SAMD5: variants seen among roughly 807,000 people sequenced by gnomAD.
The protein encoded by SAMD5 is sterile alpha motif domain-containing protein 5.
A neutral mutation model predicts 11.3 loss-of-function variants in SAMD5; 13 were observed. The ratio of observed to expected loss-of-function variants is 1.15; its 90% confidence interval spans 0.75 to 1.83. SAMD5 has a LOEUF of 1.83. SAMD5 is among the 40% of genes most tolerant of loss of function. SAMD5 has a pLI of 0.00. For synonymous variants in SAMD5, 129 were observed against 111.3 expected, an observed-to-expected ratio of 1.16 and a Z score of -1.00; for missense variants, 255 against 239.1, an observed-to-expected ratio of 1.07 and a Z score of -0.44.
the SAMD5 span, among the ~76,000 whole-genome samples, chr6:147,856,273 T>G: frequency 2.0e-5 from 3 of 152,042 alleles, no homozygotes; most frequent in African/African-American, 7.2e-5. Flanking sequence ...AACGGGTGGG[T>G]GTGGTGTAGT....
At chr6:147,919,682 A>C in the SAMD5 span, among the ~76,000 whole-genome samples, 1 of 152,184 alleles carries the variant, frequency 6.6e-6, no homozygotes, top group Non-Finnish European at 1.5e-5. Flanking sequence ...TGGAATACCA[A>C]TTCCCATTTT....
the SAMD5 span, among the ~76,000 whole-genome samples, chr6:147,751,794 T>C: frequency 2.0e-5 from 3 of 152,178 alleles, no homozygotes; most frequent in East Asian, 1.9e-4. Flanking sequence ...TTCTTTATTC[T>C]TTTTTTGGAT....
chr6:147,810,284 T>C, the SAMD5 span, among the ~76,000 whole-genome samples: 1 of 152,194 alleles, frequency 6.6e-6, no homozygotes, highest in Admixed American at 6.5e-5. Flanking sequence ...TGGCATAGTG[T>C]TCTGAGGATG....
Position 147,508,893 on chromosome 6 carries a change from G to T in SAMD5, c.-36G>T. The T allele has an allele frequency of 6.3e-7, 1 of 1,583,534 alleles. No individual in the cohort carries two copies. Among genetic ancestry groups the T allele is most frequent in the Non-Finnish European group, 8.6e-7 (1 of 1,166,278 alleles). On this transcript the variant is annotated 5_prime_UTR_variant, in exon 1 of 2. Transcript: ENST00000367474. ...GTGCCGCCCGTGCCATTTGGGCGCT[G>T]GGAAGGTGCTCGGCGGCGGGGTTCC...
At position 147,517,573 on chromosome 6, in the gene SAMD5, A is replaced by T. The variant is rs535708457; in HGVS notation, c.459+8186A>T. Among the ~76,000 whole-genome samples, 10 of 152,354 alleles carry T rather than the reference A, an allele frequency of 6.6e-5. No homozygotes were observed. The South Asian group carries it at 1.0e-3, about 16-fold the overall frequency. On this transcript the variant is annotated intron_variant, in intron 1 of 1. Transcript: ENST00000367474. Reference sequence around the variant, plus strand: ...ATGCAATAACAAAACTGATTTTTTTAAAAATAACATTTCAAAATTTAGATA... The same window carrying T: ...ATGCAATAACAAAACTGATTTTTTTTAAAATAACATTTCAAAATTTAGATA...
chr6:147,875,606 T>C, the SAMD5 span, among the ~76,000 whole-genome samples: 1 of 151,650 alleles, frequency 6.6e-6, no homozygotes, highest in African/African-American at 2.4e-5. Flanking sequence ...AGGAGGTGAG[T>C]GGTGGGCAAG....
chr6:147,933,348 G>C, the SAMD5 span, among the ~76,000 whole-genome samples: 1 of 152,206 alleles, frequency 6.6e-6, no homozygotes, highest in African/African-American at 2.4e-5. Context: ...GTAGAAAGAA[G>C]ATAGGAGACA....
chr6:147,612,500 G>A (rs1303176985), intron 1 of SAMD5, among the ~76,000 whole-genome samples: 1 of 152,028 alleles, frequency 6.6e-6, no homozygotes, highest in Non-Finnish European at 1.5e-5. Flanking sequence ...TCATTACTTG[G>A]CACTGAAATC....
the SAMD5 span, among the ~76,000 whole-genome samples, chr6:147,860,822 A>G: frequency 5.3e-5 from 8 of 152,304 alleles, no homozygotes; most frequent in African/African-American, 1.4e-4. Flanking sequence ...CTTTTTTTCT[A>G]TGAATGGATT....
At chr6:147,884,288 T>C in the SAMD5 span, among the ~76,000 whole-genome samples, 1 of 152,120 alleles carries the variant, frequency 6.6e-6, no homozygotes, top group Non-Finnish European at 1.5e-5. Context: ...CGGAGATTGA[T>C]GAGCGTGTAA....
At chr6:147,894,999 C>T in the SAMD5 span, among the ~76,000 whole-genome samples, 3 of 152,158 alleles carry the variant, frequency 2.0e-5, no homozygotes, top group African/African-American at 2.4e-5. Flanking sequence ...TCTCATCTCA[C>T]CTCTCATTAA....
intron 1 of SAMD5, among the ~76,000 whole-genome samples, chr6:147,616,884 A>G (rs1224748336): frequency 6.6e-6 from 1 of 152,162 alleles, no homozygotes; most frequent in Non-Finnish European, 1.5e-5. Flanking sequence ...GGAGAAAACC[A>G]CTGCCATGAT....
the SAMD5 span, among the ~76,000 whole-genome samples, chr6:147,827,867 G>A: frequency 6.6e-6 from 1 of 151,756 alleles, no homozygotes; most frequent in Non-Finnish European, 1.5e-5. Context: ...TCGGCTCACT[G>A]CAAGCTCCGC....
chr6:147,738,640 G>T (rs1162017039), downstream of SAMD5, among the ~76,000 whole-genome samples: 5 of 152,060 alleles, frequency 3.3e-5, no homozygotes, highest in African/African-American at 9.7e-5. Flanking sequence ...TGACATAGGG[G>T]CCTGAAAAAT....
the SAMD5 span, among the ~76,000 whole-genome samples, chr6:147,798,804 A>T: frequency 3.6e-4 from 54 of 151,974 alleles, no homozygotes; most frequent in East Asian, 4.3e-3. Context: ...GTTGAATTGA[A>T]CCCTTTACCA....
At chr6:147,789,264 C>A in the SAMD5 span, among the ~76,000 whole-genome samples, 1 of 143,024 alleles carries the variant, frequency 7.0e-6, no homozygotes, top group Non-Finnish European at 1.5e-5. Context: ...GGCATAAGAC[C>A]CAGTCTCTAG....
intron 1 of SAMD5, among the ~76,000 whole-genome samples, chr6:147,727,378 G>C (rs1006006552): frequency 6.6e-6 from 1 of 152,164 alleles, no homozygotes; most frequent in Non-Finnish European, 1.5e-5. Flanking sequence ...CTAGTTGCCT[G>C]TATAATGTTT....
intron 1 of SAMD5, among the ~76,000 whole-genome samples, chr6:147,701,702 G>T (rs563429649): frequency 6.6e-6 from 1 of 151,910 alleles, no homozygotes; most frequent in South Asian, 2.1e-4. Context: ...CAGTTAGAGG[G>T]TTCATTTTAT....
the SAMD5 span, among the ~76,000 whole-genome samples, chr6:147,880,551 T>C: frequency 2.0e-5 from 3 of 152,314 alleles, no homozygotes; most frequent in South Asian, 6.2e-4. Context: ...TGAAGCTTAG[T>C]AGAAAGAATT....
Sources: gnomAD v4.1 joint callset for allele counts (sites outside exome capture counted in the v4.1 genomes callset) on GRCh38, gnomAD v4.1.1 for gene constraint, MANE v1.5 for transcripts, NCBI Gene and HGNC (gene_info 2026-07-23, HGNC 2026-07-21) for gene names.